Variants in MEGF11 observed in about 807,000 individuals in gnomAD.
MEGF11 encodes the protein multiple EGF like domains 11.
MEGF11 carries 126 observed loss-of-function variants against 146.6 expected under a neutral mutation model. That is an observed-to-expected ratio of 0.86 (90% CI 0.74 to 1.00). MEGF11 has a LOEUF of 1.00. MEGF11 is among the 50% of genes least tolerant of loss of function. The pLI, the probability that MEGF11 is intolerant of heterozygous loss-of-function variation, is 0.00. For synonymous variants in MEGF11, 532 were observed against 583.4 expected, an observed-to-expected ratio of 0.91 and a Z score of 1.27; for missense variants, 1,509 against 1,521.2, an observed-to-expected ratio of 0.99 and a Z score of 0.13.
chr15:66,080,241 C>T (rs974359979), intron 5 of MEGF11, among the ~76,000 whole-genome samples: 6 of 152,192 alleles, frequency 3.9e-5, no homozygotes, highest in South Asian at 2.1e-4. Flanking sequence ...AGTCTGTCCT[C>T]GCACTTCTGA....
intron 10 of MEGF11, among the ~76,000 whole-genome samples, chr15:65,938,080 C>T (rs1278741793): frequency 6.6e-6 from 1 of 152,228 alleles, no homozygotes; most frequent in African/African-American, 2.4e-5. Context: ...TTCTAAGAAT[C>T]CCACCAGCTG....
chr15:66,226,728 T>A (rs2091861175), intron 1 of MEGF11, among the ~76,000 whole-genome samples: 1 of 152,140 alleles, frequency 6.6e-6, no homozygotes, highest in Admixed American at 6.6e-5. Context: ...GTCGGTACTG[T>A]CCACAGCATC....
intron 5 of MEGF11, among the ~76,000 whole-genome samples, chr15:66,081,620 C>A (rs1015130374): frequency 6.6e-6 from 1 of 152,178 alleles, no homozygotes; most frequent in South Asian, 2.1e-4. Flanking sequence ...CTCAAGTGAT[C>A]CACCTGCCTC....
intron 5 of MEGF11, among the ~76,000 whole-genome samples, chr15:66,070,939 G>A (rs548910646): frequency 2.0e-5 from 3 of 152,060 alleles, no homozygotes; most frequent in Non-Finnish European, 2.9e-5. Flanking sequence ...ACATGGAATC[G>A]AGGAGAAAAC....
chr15:66,220,275 G>A (rs189711996), intron 1 of MEGF11, among the ~76,000 whole-genome samples: 37 of 150,666 alleles, frequency 2.5e-4, no homozygotes, highest in Non-Finnish European at 3.4e-4. Context: ...ACTTTGTTAC[G>A]GCAGCCCTAG....
At chr15:66,078,021 C>T (rs1487326123) in intron 5 of MEGF11, among the ~76,000 whole-genome samples, 1 of 152,090 alleles carries the variant, frequency 6.6e-6, no homozygotes, top group Non-Finnish European at 1.5e-5. Context: ...GTAGCCTCCC[C>T]ACCTCCCAAG....
chr15:66,040,331 T>G (rs1297313025), intron 5 of MEGF11: 1 of 154,842 alleles, frequency 6.5e-6, no homozygotes, highest in Non-Finnish European at 1.5e-5. Context: ...GCCCTCAGAT[T>G]CAGCACCTGT....
intron 4 of MEGF11, among the ~76,000 whole-genome samples, chr15:66,094,799 C>T (rs570073588): frequency 7.9e-5 from 12 of 152,250 alleles, no homozygotes; most frequent in South Asian, 4.1e-4. Flanking sequence ...CAGAGACCGC[C>T]GCAAACCTCA....
chr15:65,987,033 AG>A (rs1198042036), intron 5 of MEGF11, among the ~76,000 whole-genome samples: 1 of 151,874 alleles, frequency 6.6e-6, no homozygotes, highest in Admixed American at 6.6e-5. Context: ...CTGTTCCTCG[AG>A]GCTGGGCAAC....
intron 5 of MEGF11, among the ~76,000 whole-genome samples, chr15:66,010,198 TTC>T (rs1172689849): frequency 4.9e-5 from 1 of 20,516 alleles, no homozygotes; most frequent in African/African-American, 7.0e-5. Flanking sequence ...AACTCATAAT[TTC>T]TTTTTTTTTT....
Position 66,118,999 on chromosome 15 carries a change from A to G in MEGF11, c.301+87T>C, listed in dbSNP as rs1327104225. 8 of 871,982 alleles carry G rather than the reference A, an allele frequency of 9.2e-6. No individual in the cohort carries two copies. The Admixed American group carries it at 1.1e-4, about 12-fold the overall frequency. 54.0% of individuals were successfully genotyped at this position (871,982 alleles called of 1,614,324 possible). A position where few individuals can be genotyped will look rare whatever the true frequency, so the allele number is the denominator to read the frequency against. On this transcript the variant is annotated intron_variant, in intron 4 of 25. Coordinates refer to ENST00000395614, the MANE Select transcript of MEGF11 (RefSeq NM_001385028.1). ...GAGGACTGCTGCCTAGGGGCCGTGG[A>G]TATCAGCCCCACCTCCCCTCCCCTC...
intron 5 of MEGF11, among the ~76,000 whole-genome samples, chr15:66,020,134 A>G (rs920296195): frequency 6.6e-6 from 1 of 152,248 alleles, no homozygotes; most frequent in East Asian, 1.9e-4. Flanking sequence ...CACAGGGCCC[A>G]GGCCCCTAGG....
chr15:65,943,853 T>C (rs1205450046), intron 10 of MEGF11, among the ~76,000 whole-genome samples: 2 of 152,098 alleles, frequency 1.3e-5, no homozygotes, highest in African/African-American at 4.8e-5. Context: ...AGGGTATACA[T>C]GCATGTGTAC....
intron 10 of MEGF11, among the ~76,000 whole-genome samples, chr15:65,948,154 A>G (rs2080264943): frequency 6.6e-6 from 1 of 151,210 alleles, no homozygotes; most frequent in Non-Finnish European, 1.5e-5. Context: ...CTGCCCAGGG[A>G]AACATCAGTA....
At chr15:66,210,191 T>C (rs989867755) in intron 1 of MEGF11, among the ~76,000 whole-genome samples, 5 of 152,210 alleles carry the variant, frequency 3.3e-5, no homozygotes, top group African/African-American at 1.2e-4. Flanking sequence ...TACTATGGTT[T>C]TGCAAGATGT....
At chr15:66,212,263 C>A (rs939738801) in intron 1 of MEGF11, among the ~76,000 whole-genome samples, 1 of 152,094 alleles carries the variant, frequency 6.6e-6, no homozygotes, top group East Asian at 1.9e-4. Flanking sequence ...GATGGCGGAC[C>A]CCTCTCACAC....
chr15:66,033,078 C>CAA lies in MEGF11; in HGVS notation c.395-50592_395-50591dup, dbSNP rs60932678. On this transcript the variant is annotated intron_variant, in intron 5 of 25. Transcript: ENST00000395614. ...CCTGGGTGACAGAGTGAGACTCCAT[C>CAA]AAAAAAAAAAAAAAAAAAAAAAAAA... is the stretch of plus-strand genomic sequence containing the variant. Among the ~76,000 whole-genome samples, 96 of 80,604 alleles carry CAA rather than the reference C, an allele frequency of 1.2e-3. 1 individual carries two copies. Among genetic ancestry groups the CAA allele is most frequent in the African/African-American group, 4.6e-3 (85 of 18,666 alleles). 52.9% of individuals were successfully genotyped at this position (80,604 alleles called of 152,430 possible).
rs77371692 is a variant in MEGF11 at position 65,929,444 on chromosome 15, G to A, written c.1572+276C>T. 0.04 allele frequency among the ~76,000 whole-genome samples: 6,045 copies of A among 152,282 alleles called. 391 individuals are homozygous for A. The highest frequency in any genetic ancestry group is 0.14 in the African/African-American group (5,672 of 41,544). ...TCTGAAGCTGCATTTGAGCTCAAGT[G>A]CCAGAGTCAATAATGTTTACCAAGA... On this transcript the variant is annotated intron_variant, in intron 12 of 25. Transcript: ENST00000395614.
intron 9 of MEGF11, among the ~76,000 whole-genome samples, chr15:65,960,684 C>G (rs902424490): frequency 2.0e-5 from 3 of 152,252 alleles, no homozygotes; most frequent in South Asian, 2.1e-4. Context: ...CTTTCTGTCT[C>G]TTCCATCAAT....
Sources: gnomAD v4.1 joint callset for allele counts (sites outside exome capture counted in the v4.1 genomes callset) on GRCh38, gnomAD v4.1.1 for gene constraint, MANE v1.5 for transcripts, NCBI Gene and HGNC (gene_info 2026-07-23, HGNC 2026-07-21) for gene names.